XRCC3: variants seen among roughly 807,000 people sequenced by gnomAD.
XRCC3 encodes the protein X-ray repair cross complementing 3, also known as DNA repair protein XRCC3.
A neutral mutation model predicts 29.2 loss-of-function variants in XRCC3; 34 were observed. The observed-to-expected ratio is 1.16, with a 90% CI of 0.88 to 1.55. XRCC3 has a LOEUF of 1.55. XRCC3 is among the 40% of genes most tolerant of loss of function. XRCC3 has a pLI of 0.00. For synonymous variants in XRCC3, 223 were observed against 211.3 expected (o/e 1.06, Z -0.48); for missense variants, 463 against 467.6 (o/e 0.99, Z 0.09).
chr14:103,703,413 C>T (rs1436900111), intron 6 of XRCC3, 86 bp from the exon 7 acceptor site: 1 of 1,416,392 alleles, frequency 7.1e-7, no homozygotes, highest in African/African-American at 1.4e-5. Flanking sequence ...TGTCTCCCGC[C>T]ATTTCTAACT....
Position 103,698,608 on chromosome 14 carries a change from T to TC in XRCC3, c.*189dup, listed in dbSNP as rs971598305. Reference sequence around the variant, plus strand: ...CCCAGACCCAGGGAGAGGCAGAACATCCCCCCAGCTCAGATGGGGGTCAGT... The same window carrying TC: ...CCCAGACCCAGGGAGAGGCAGAACATCCCCCCCAGCTCAGATGGGGGTCAGT... On this transcript the variant is annotated 3_prime_UTR_variant, in exon 10 of 10. Coordinates refer to ENST00000555055, the MANE Select transcript of XRCC3 (RefSeq NM_005432.4). 4.8e-6 allele frequency: 3 copies of TC among 625,634 alleles called. No individual in the cohort carries two copies. The highest frequency in any genetic ancestry group is 2.8e-5 in the East Asian group (1 of 36,146). 38.8% of individuals were successfully genotyped at this position (625,634 alleles called of 1,614,324 possible).
At chr14:103,699,333 C>G in intron 8 of XRCC3, 31 bp downstream of exon 8, 1 of 1,571,748 alleles carries the variant, frequency 6.4e-7, no homozygotes, top group Non-Finnish European at 8.6e-7. Context: ...AAAATACGAG[C>G]TCAGGGGTGC....
rs752626065 is a variant in XRCC3 at position 103,698,754 on chromosome 14, T to A, written c.*44A>T. ...GCGTTTTAAAGGCCCGAGCCCCGTG[T>A]GTCGGGGCTTCTCAGGCAGGGCTGT... is the stretch of plus-strand genomic sequence containing the variant. On this transcript the variant is annotated 3_prime_UTR_variant, in exon 10 of 10. Coordinates refer to ENST00000555055, the MANE Select transcript of XRCC3 (RefSeq NM_005432.4). 3.5e-5 allele frequency: 54 copies of A among 1,525,430 alleles called. No individual in the cohort carries two copies. The highest frequency in any genetic ancestry group is 4.5e-5 in the Non-Finnish European group (51 of 1,123,190). 94.5% of individuals were successfully genotyped at this position (1,525,430 alleles called of 1,614,324 possible). A position where few individuals can be genotyped will look rare whatever the true frequency, so the allele number is the denominator to read the frequency against.
intron 7 of XRCC3, chr14:103,702,232 C>T (rs1018504968): frequency 1.3e-5 from 2 of 152,460 alleles, no homozygotes; most frequent in African/African-American, 4.8e-5. Flanking sequence ...CCATAGGTCC[C>T]TCCTCCAAGC....
Position 103,708,245 on chromosome 14 carries a change from C to T in XRCC3, c.193+277G>A. On this transcript the variant is annotated intron_variant, in intron 5 of 9. Transcript: ENST00000555055. ...GGCTCTGGGTGCTGACTGCCAAATC[C>T]ACCCCTGCTTCCTGCACCCCCTCCT... The T allele has an allele frequency of 1.6e-5, 8 of 504,324 alleles. No homozygotes were observed. In the South Asian group the frequency reaches 1.6e-4, roughly 10 times the overall value. 31.2% of individuals were successfully genotyped at this position (504,324 alleles called of 1,614,324 possible).
At chr14:103,708,728 A>G in intron 4 of XRCC3, 69 bp from the exon 5 acceptor site, 1 of 1,603,794 alleles carries the variant, frequency 6.2e-7, no homozygotes, top group Non-Finnish European at 8.5e-7. Flanking sequence ...CAGTGACAAA[A>G]GGTGCTTTGT....
At chr14:103,699,073 C>T (rs947763538) in intron 9 of XRCC3, 56 bp from the exon 10 acceptor site, 69 of 1,563,278 alleles carry the variant, frequency 4.4e-5, no homozygotes, top group African/African-American at 9.5e-5. Flanking sequence ...CCGCCCACTT[C>T]GGCCCAGCTG....
intron 4 of XRCC3, 135 bp from the exon 5 acceptor site, chr14:103,708,794 C>T: frequency 8.4e-7 from 1 of 1,183,568 alleles, no homozygotes; most frequent in Non-Finnish European, 1.2e-6. Flanking sequence ...TGGGTAGGGA[C>T]CGGATCCCCT....
chr14:103,711,770 C>G (rs2083639878), intron 2 of XRCC3: 2 of 453,034 alleles, frequency 4.4e-6, no homozygotes, highest in South Asian at 3.1e-5. Context: ...AAGCTCAGCT[C>G]TTCTCCCCTC....
chr14:103,700,208 C>G (rs1301227458), intron 7 of XRCC3: 1 of 195,690 alleles, frequency 5.1e-6, no homozygotes, highest in East Asian at 1.3e-4. Context: ...CCAGTGCCTC[C>G]CGTGCATCCA....
chr14:103,699,270 C>T, intron 8 of XRCC3, 91 bp from the exon 9 acceptor site: 3 of 1,540,300 alleles, frequency 1.9e-6, no homozygotes, highest in Non-Finnish European at 1.7e-6. Context: ...CGGAGGCCAC[C>T]TCACTGCCAC....
intron 6 of XRCC3, chr14:103,705,850 G>A (rs3212065): frequency 8.0e-4 from 131 of 164,714 alleles, no homozygotes; most frequent in African/African-American, 3.1e-3. Flanking sequence ...GGAGAATGAG[G>A]GCGGCTCCCG....
rs190830951 is a variant in XRCC3, at chr14:103,712,775, G to C, written c.-261+100C>G. ...CAGCGGGACGCTGGCAGGAGCACCG[G>C]GAAGGCCAGCACGTGGCTGCAACGT... On this transcript the variant is annotated intron_variant, in intron 2 of 9. Coordinates refer to ENST00000555055, the MANE Select transcript of XRCC3 (RefSeq NM_005432.4). 8.5e-5 allele frequency: 13 copies of C among 152,558 alleles called. No individual in the cohort carries two copies. The East Asian group carries it at 2.1e-3, about 25-fold the overall frequency. The allele number at this position is 152,558 out of a possible 1,614,324, so 9.5% of individuals were successfully genotyped here. A position where few individuals can be genotyped will look rare whatever the true frequency, so the allele number is the denominator to read the frequency against.
chr14:103,715,023 G>A (rs960852625), intron 1 of XRCC3, among the ~76,000 whole-genome samples: 9 of 152,226 alleles, frequency 5.9e-5, no homozygotes, highest in African/African-American at 2.2e-4. Context: ...TAAAATAACT[G>A]TTCAGACCTC....
rs566436220 is a variant in XRCC3, at chr14:103,698,371, C to T, written c.*427G>A. The stretch of plus-strand genomic sequence containing the variant: ...CCCTGTGTGCAGGAGGGGAGACCCT[C>T]GTGGGCACGGTCCCAAGGCTGAGGG... On this transcript the variant is annotated 3_prime_UTR_variant, in exon 10 of 10. Transcript: ENST00000555055. 1 of 249,578 alleles carries T rather than the reference C, an allele frequency of 4.0e-6. No individual in the cohort carries two copies. Among genetic ancestry groups the T allele is most frequent in the Non-Finnish European group, 8.0e-6 (1 of 125,200 alleles). 15.5% of individuals were successfully genotyped at this position (249,578 alleles called of 1,614,324 possible).
At chr14:103,707,475 G>T in intron 5 of XRCC3, 1 of 563,522 alleles carries the variant, frequency 1.8e-6, no homozygotes. Context: ...TGGGGCAATT[G>T]CAGCACCAGA....
At chr14:103,699,273 A>T (rs1282513439) in intron 8 of XRCC3, 91 bp downstream of exon 8, 1 of 1,540,180 alleles carries the variant, frequency 6.5e-7, no homozygotes, top group Non-Finnish European at 8.7e-7. Context: ...AGGCCACCTC[A>T]CTGCCACCCG....
intron 4 of XRCC3, 37 bp downstream of exon 4, chr14:103,710,996 C>A (rs1166446462): frequency 6.2e-7 from 1 of 1,604,612 alleles, no homozygotes; most frequent in South Asian, 1.1e-5. Context: ...CTGCACACAC[C>A]CACCCACACC....
intron 2 of XRCC3, 130 bp from the exon 3 acceptor site, chr14:103,711,697 C>T (rs998110536): frequency 1.8e-5 from 8 of 456,114 alleles, no homozygotes; most frequent in African/African-American, 1.6e-4. Flanking sequence ...GGACCCCACC[C>T]AGCCTCTCCC....
Sources: allele counts gnomAD v4.1 joint callset (sites outside exome capture counted in the v4.1 genomes callset), GRCh38; gene constraint gnomAD v4.1.1; transcripts MANE v1.5; gene names NCBI Gene and HGNC (gene_info 2026-07-23, HGNC 2026-07-21).